CTNNA3: variants seen among roughly 807,000 people sequenced by gnomAD.
CTNNA3 encodes catenin alpha-3.
CTNNA3 carries 76 observed loss-of-function variants against 95.7 expected under a neutral mutation model. The observed-to-expected ratio is 0.79, with a 90% confidence interval of 0.66 to 0.96. The LOEUF (loss-of-function observed/expected upper bound fraction) is 0.96. CTNNA3 is among the 40% of genes least tolerant of loss of function. CTNNA3 has a pLI of 0.00. For synonymous variants in CTNNA3, 431 were observed against 374.4 expected, an observed-to-expected ratio of 1.15 and a Z score of -1.74; for missense variants, 1,191 against 1,089.8, an observed-to-expected ratio of 1.09 and a Z score of -1.31.
chr10:66,891,238 A>G (rs1845257943), intron 7 of CTNNA3, among the ~76,000 whole-genome samples: 3 of 152,332 alleles, frequency 2.0e-5, no homozygotes, highest in Admixed American at 1.3e-4. Context: ...TTATTTTTAC[A>G]TATTAAGGTG....
chr10:66,898,164 T>C (rs931864793), intron 7 of CTNNA3, among the ~76,000 whole-genome samples: 1 of 152,170 alleles, frequency 6.6e-6, no homozygotes, highest in Non-Finnish European at 1.5e-5. Context: ...CATAATGACA[T>C]TTAAAAACAA....
At chr10:66,342,741 T>G (rs562382003) in intron 12 of CTNNA3, among the ~76,000 whole-genome samples, 2 of 152,188 alleles carry the variant, frequency 1.3e-5, no homozygotes, top group South Asian at 4.1e-4. Context: ...CTACTTTAGG[T>G]AATGTTGTAA....
chr10:66,038,433 C>A (rs571976411), intron 15 of CTNNA3, among the ~76,000 whole-genome samples: 1 of 152,198 alleles, frequency 6.6e-6, no homozygotes, highest in South Asian at 2.1e-4. Context: ...CTACAGTAGA[C>A]CCCAGCAGAC....
At chr10:67,040,757 T>C (rs1854343332) in intron 7 of CTNNA3, among the ~76,000 whole-genome samples, 2 of 152,004 alleles carry the variant, frequency 1.3e-5, no homozygotes, top group Admixed American at 1.3e-4. Context: ...CATCCTGAAA[T>C]ATCAGCGTAA....
intron 12 of CTNNA3, among the ~76,000 whole-genome samples, chr10:66,364,032 A>G (rs944775658): frequency 6.6e-6 from 1 of 152,098 alleles, no homozygotes; most frequent in African/African-American, 2.4e-5. Context: ...TAAGTATTAG[A>G]GCTAAAATTA....
intron 3 of CTNNA3, among the ~76,000 whole-genome samples, chr10:67,596,883 CTCTCTTTCAG>C (rs1411956364): frequency 2.0e-5 from 3 of 152,200 alleles, no homozygotes; most frequent in African/African-American, 7.2e-5. Context: ...CTCTCTTTCC[CTCTCTTTCAG>C]GGATGCCAAT....
intron 13 of CTNNA3, among the ~76,000 whole-genome samples, chr10:66,276,069 C>T (rs1476064472): frequency 6.6e-6 from 1 of 152,098 alleles, no homozygotes; most frequent in Non-Finnish European, 1.5e-5. Context: ...GTAAACTGGG[C>T]CATGTAAATT....
intron 2 of CTNNA3, among the ~76,000 whole-genome samples, chr10:67,636,818 G>A (rs989763745): frequency 6.6e-6 from 1 of 152,148 alleles, no homozygotes. Context: ...ATGTTAGAAG[G>A]AAAACTAATA....
chr10:66,691,599 A>C (rs189602909), intron 9 of CTNNA3, among the ~76,000 whole-genome samples: 1 of 152,320 alleles, frequency 6.6e-6, no homozygotes, highest in Admixed American at 6.5e-5. Flanking sequence ...ACAGCTCTGA[A>C]GAGAGCAGTG....
intron 14 of CTNNA3, among the ~76,000 whole-genome samples, chr10:66,071,523 T>C (rs2080433534): frequency 6.6e-6 from 1 of 152,060 alleles, no homozygotes. Context: ...AGGATGTAAA[T>C]CAGAAAATAT....
chr10:67,754,312 C>T (rs1021834072), intron 1 of CTNNA3, among the ~76,000 whole-genome samples: 1 of 151,848 alleles, frequency 6.6e-6, no homozygotes, highest in Non-Finnish European at 1.5e-5. Flanking sequence ...ATCGGGGGGG[C>T]GTTGGGAGGG....
chr10:66,982,570 A>G (rs1850501683), intron 7 of CTNNA3, among the ~76,000 whole-genome samples: 1 of 152,170 alleles, frequency 6.6e-6, no homozygotes, highest in Non-Finnish European at 1.5e-5. Context: ...GGTATAAAAT[A>G]TTATCTTAAG....
At chr10:67,719,197 C>A (rs1841163271) in intron 1 of CTNNA3, among the ~76,000 whole-genome samples, 1 of 150,596 alleles carries the variant, frequency 6.6e-6, no homozygotes, top group Non-Finnish European at 1.5e-5. Context: ...TCTCTCTGTT[C>A]TTCTTTATTA....
At chr10:67,103,065 T>C (rs1253583656) in intron 7 of CTNNA3, among the ~76,000 whole-genome samples, 1 of 151,862 alleles carries the variant, frequency 6.6e-6, no homozygotes, top group Non-Finnish European at 1.5e-5. Flanking sequence ...GTGTCAATAC[T>C]AGATTTACTG....
chr10:67,016,828 A>C (rs1370770202), intron 7 of CTNNA3, among the ~76,000 whole-genome samples: 3 of 152,132 alleles, frequency 2.0e-5, no homozygotes, highest in Non-Finnish European at 4.4e-5. Context: ...TGATAATTTT[A>C]GTAGACTTTG....
At chr10:66,191,016 A>G (rs991208162) in intron 13 of CTNNA3, among the ~76,000 whole-genome samples, 12 of 152,056 alleles carry the variant, frequency 7.9e-5, no homozygotes, top group African/African-American at 2.7e-4. Context: ...TGAATGCAAA[A>G]AGTGAGATTT....
At chr10:66,618,498 G>T (rs1844613121) in intron 10 of CTNNA3, among the ~76,000 whole-genome samples, 1 of 152,126 alleles carries the variant, frequency 6.6e-6, no homozygotes, top group Non-Finnish European at 1.5e-5. Flanking sequence ...GGGAAAACAG[G>T]CTAGCCATAG....
rs538486142 is a variant in CTNNA3, at chr10:66,111,389, G to A, written c.1885-8140C>T. Among the ~76,000 whole-genome samples the A allele has an allele frequency of 3.3e-5, 5 of 152,288 alleles. No individual in the cohort carries two copies. In the South Asian group the frequency reaches 8.3e-4, roughly 25 times the overall value. On this transcript the variant is annotated intron_variant, in intron 13 of 17. Transcript: ENST00000433211. ...TTTATAAATTACCCAGTCTTAGGTA[G>A]TGCTTTATAGGAATGTGAGAACAAA...
intron 7 of CTNNA3, among the ~76,000 whole-genome samples, chr10:66,907,456 C>A (rs111852135): frequency 1.6e-4 from 25 of 152,090 alleles, no homozygotes; most frequent in Non-Finnish European, 3.1e-4. Flanking sequence ...TTTTTCTCCT[C>A]TCTTTGAAAA....
Sources: allele counts gnomAD v4.1 joint callset (sites outside exome capture counted in the v4.1 genomes callset), GRCh38; gene constraint gnomAD v4.1.1; transcripts MANE v1.5; gene names NCBI Gene and HGNC (gene_info 2026-07-23, HGNC 2026-07-21).